The following EXOC5 variants were observed in gnomAD, a reference collection of about 807,000 sequenced individuals.
EXOC5 encodes the protein SEC10-like 1.
In EXOC5, 17 loss-of-function variants were observed where a neutral mutation model predicts 90.8. The observed-to-expected ratio is 0.19, with a 90% CI of 0.13 to 0.28. The LOEUF (loss-of-function observed/expected upper bound fraction) is 0.28. EXOC5 is among the 10% of genes least tolerant of loss of function. EXOC5 has a pLI of 1.00. For synonymous variants in EXOC5, 260 were observed against 270.0 expected, an observed-to-expected ratio of 0.96 and a Z score of 0.36; for missense variants, 569 against 830.6, an observed-to-expected ratio of 0.69 and a Z score of 3.87.
chr14:57,224,959 G>A (rs1293311437), intron 12 of EXOC5, among the ~76,000 whole-genome samples: 1 of 152,166 alleles, frequency 6.6e-6, no homozygotes, highest in East Asian at 1.9e-4. Flanking sequence ...CTACTTGGGA[G>A]GCTGAGGCAG....
chr14:57,216,389 A>G (rs755569420), intron 15 of EXOC5, among the ~76,000 whole-genome samples: 1 of 152,198 alleles, frequency 6.6e-6, no homozygotes, highest in Non-Finnish European at 1.5e-5. Context: ...GTTAGAAAAT[A>G]TATCATACAG....
chr14:57,205,573 A>C lies in EXOC5; in HGVS notation c.*3036T>G. 1 of 282,998 alleles carries C rather than the reference A, an allele frequency of 3.5e-6. No individual in the cohort carries two copies. Among genetic ancestry groups the C allele is most frequent in the Admixed American group, 5.2e-5 (1 of 19,290 alleles). The allele number at this position is 282,998 out of a possible 1,614,324, so 17.5% of individuals were successfully genotyped here. A position where few individuals can be genotyped will look rare whatever the true frequency, so the allele number is the denominator to read the frequency against. ...GGGTTTTGTGGCATTTCAAAAATCA[A>C]AATCTCTTTATCCAGATCCTTGTAA... On this transcript the variant is annotated 3_prime_UTR_variant, in exon 18 of 18. Coordinates refer to ENST00000621441, the MANE Select transcript of EXOC5 (RefSeq NM_006544.4).
intron 15 of EXOC5, among the ~76,000 whole-genome samples, chr14:57,215,289 A>T: frequency 6.6e-6 from 1 of 152,136 alleles, no homozygotes; most frequent in Non-Finnish European, 1.5e-5. Flanking sequence ...TTTTCAAACA[A>T]TGGAAGAACT....
chr14:57,226,783 T>C (rs1170026045), intron 12 of EXOC5, among the ~76,000 whole-genome samples: 4 of 152,182 alleles, frequency 2.6e-5, no homozygotes, highest in Non-Finnish European at 5.9e-5. Flanking sequence ...GGATGCCTAA[T>C]TGTAAAATTA....
chr14:57,237,186 G>A (rs1883689053), intron 6 of EXOC5, among the ~76,000 whole-genome samples, 152 bp downstream of exon 6: 1 of 152,008 alleles, frequency 6.6e-6, no homozygotes, highest in African/African-American at 2.4e-5. Flanking sequence ...TGTTTTGAGG[G>A]AAGAGAAATC....
At chr14:57,209,391 T>TA (rs938356317) in intron 17 of EXOC5, among the ~76,000 whole-genome samples, 176 bp downstream of exon 17, 4 of 150,580 alleles carry the variant, frequency 2.7e-5, no homozygotes, top group Admixed American at 6.6e-5. Context: ...AAATTTAAAA[T>TA]AAAAAAAAAT....
intron 1 of EXOC5, among the ~76,000 whole-genome samples, chr14:57,265,255 C>G (rs11850616): frequency 1.3e-5 from 2 of 151,570 alleles, no homozygotes; most frequent in African/African-American, 4.9e-5. Context: ...CAACAAATAT[C>G]TGTAGAATGA....
In EXOC5 at chr14:57,225,961, T is replaced by C. The variant is rs531598273; in HGVS notation, c.1297-3545A>G. Among the ~76,000 whole-genome samples the C allele has an allele frequency of 3.3e-5, 5 of 152,276 alleles. No individual in the cohort carries two copies. The East Asian group carries it at 7.7e-4, about 23-fold the overall frequency. ...ACCACCCTTTCACTGAATATACAATTTGCATGTCAGAGGTGGGTAGAGGAA... is the reference window on the plus strand; with the variant it reads ...ACCACCCTTTCACTGAATATACAATCTGCATGTCAGAGGTGGGTAGAGGAA... On this transcript the variant is annotated intron_variant, in intron 12 of 17. Coordinates refer to ENST00000621441, the MANE Select transcript of EXOC5 (RefSeq NM_006544.4).
intron 17 of EXOC5, 136 bp downstream of exon 17, chr14:57,209,431 A>T (rs1882759530): frequency 2.2e-6 from 1 of 457,370 alleles, no homozygotes; most frequent in African/African-American, 2.0e-5. Context: ...TTTCAGGTAG[A>T]ATGTGATAAT....
chr14:57,203,403 C>T lies in EXOC5; in HGVS notation c.*5206G>A, dbSNP rs1361506133. On this transcript the variant is annotated 3_prime_UTR_variant, in exon 18 of 18. Coordinates refer to ENST00000621441, the MANE Select transcript of EXOC5 (RefSeq NM_006544.4). The stretch of plus-strand genomic sequence containing the variant: ...CCTCTCAAAGTTTAATCTCAAAACT[C>T]TGGAAGTCCACCAATGGAGACTAAT... 1.3e-5 allele frequency: 2 copies of T among 152,220 alleles called. No homozygotes were observed. Among genetic ancestry groups the T allele is most frequent in the Admixed American group, 1.3e-4 (2 of 15,266 alleles). The allele number at this position is 152,220 out of a possible 1,614,324, so 9.4% of individuals were successfully genotyped here.
chr14:57,241,162 A>AT (rs1227471890), intron 4 of EXOC5, among the ~76,000 whole-genome samples: 6 of 152,052 alleles, frequency 3.9e-5, no homozygotes, highest in Admixed American at 6.6e-5. Flanking sequence ...CCCAATATAG[A>AT]TTTTTCTAAG....
At chr14:57,248,819 C>A (rs1884102912) in intron 1 of EXOC5, among the ~76,000 whole-genome samples, 1 of 152,036 alleles carries the variant, frequency 6.6e-6, no homozygotes, top group Admixed American at 6.5e-5. Flanking sequence ...GAATTAATAT[C>A]CTTCAAAGTA....
rs1456218987 is a variant in EXOC5, at chr14:57,203,025, C to T, written c.*5584G>A. On this transcript the variant is annotated 3_prime_UTR_variant, in exon 18 of 18. Transcript: ENST00000621441. ...TCCTCTAAATGGTACACAGTATTCA[C>T]AAACAATATGCTTAGAGGTAGCTTC... 1 of 152,200 alleles carries T rather than the reference C, an allele frequency of 6.6e-6. No individual in the cohort carries two copies. Among genetic ancestry groups the T allele is most frequent in the Non-Finnish European group, 1.5e-5 (1 of 68,036 alleles). The allele number at this position is 152,200 out of a possible 1,614,324, so 9.4% of individuals were successfully genotyped here.
intron 1 of EXOC5, among the ~76,000 whole-genome samples, chr14:57,265,349 T>C (rs1166649139): frequency 6.6e-6 from 1 of 151,986 alleles, no homozygotes; most frequent in East Asian, 1.9e-4. Flanking sequence ...CTTGAAGAAT[T>C]ATGGGGGAAA....
intron 2 of EXOC5, 113 bp from the exon 3 acceptor site, chr14:57,246,971 G>C: frequency 3.4e-6 from 2 of 591,638 alleles, no homozygotes; most frequent in Non-Finnish European, 5.6e-6. Context: ...AGCTTGAAAT[G>C]ATCATGTTAA....
At position 57,268,805 on chromosome 14, in the gene EXOC5, G is replaced by A; in HGVS notation, c.-157C>T. On this transcript the variant is annotated 5_prime_UTR_variant, in exon 1 of 18. Coordinates refer to ENST00000621441, the MANE Select transcript of EXOC5 (RefSeq NM_006544.4). ...TCCCCACAGATCCCAGGAGGGGCGG[G>A]AGAGCGGCCATGAAGCGAAGCCGCA... is the stretch of plus-strand genomic sequence containing the variant. 4.3e-6 allele frequency: 6 copies of A among 1,403,332 alleles called. No individual in the cohort carries two copies. Among genetic ancestry groups the A allele is most frequent in the Non-Finnish European group, 5.5e-6 (6 of 1,085,818 alleles). 86.9% of individuals were successfully genotyped at this position (1,403,332 alleles called of 1,614,324 possible).
At chr14:57,219,287 T>C (rs1214318600) in intron 14 of EXOC5, 35 bp downstream of exon 14, 4 of 1,336,502 alleles carry the variant, frequency 3.0e-6, no homozygotes, top group Non-Finnish European at 4.0e-6. Context: ...TAATAGTCAC[T>C]GAAATATCAA....
chr14:57,215,790 A>T (rs1882954969), intron 15 of EXOC5, among the ~76,000 whole-genome samples: 1 of 152,218 alleles, frequency 6.6e-6, no homozygotes, highest in Non-Finnish European at 1.5e-5. Context: ...GTCCACTCTC[A>T]CTACTTCTAT....
In EXOC5 at chr14:57,244,149, C is replaced by G; in HGVS notation, c.465+16G>C. The G allele has an allele frequency of 6.3e-7, 1 of 1,582,564 alleles. No homozygotes were observed. The highest frequency in any genetic ancestry group is 8.7e-7 in the Non-Finnish European group (1 of 1,152,480). On this transcript the variant is annotated intron_variant, in intron 4 of 17. Transcript: ENST00000621441. ...ATTAATGCTGTGATTTGGTTTTATCCTCTGACAGCACTTACCTTTTCAGAA... is the reference window on the plus strand; with the variant it reads ...ATTAATGCTGTGATTTGGTTTTATCGTCTGACAGCACTTACCTTTTCAGAA...
Sources: allele counts gnomAD v4.1 joint callset (sites outside exome capture counted in the v4.1 genomes callset), GRCh38; gene constraint gnomAD v4.1.1; transcripts MANE v1.5; gene names NCBI Gene and HGNC (gene_info 2026-07-23, HGNC 2026-07-21).